ALDH1A2: variants seen among roughly 807,000 people sequenced by gnomAD.
The protein encoded by ALDH1A2 is retinal dehydrogenase 2.
ALDH1A2 carries 27 observed loss-of-function variants against 60.3 expected under a neutral mutation model. The observed-to-expected ratio is 0.45, with a 90% CI of 0.33 to 0.62. ALDH1A2 has a LOEUF of 0.62. ALDH1A2 is among the 20% of genes least tolerant of loss of function. The pLI, the probability that ALDH1A2 is intolerant of heterozygous loss-of-function variation, is 0.02. For synonymous variants in ALDH1A2, 289 were observed against 232.4 expected, an observed-to-expected ratio of 1.24 and a Z score of -2.21; for missense variants, 581 against 643.8, an observed-to-expected ratio of 0.90 and a Z score of 1.06.
chr15:57,983,911 C>T (rs1894605373), intron 7 of ALDH1A2, among the ~76,000 whole-genome samples: 1 of 152,164 alleles, frequency 6.6e-6, no homozygotes, highest in Admixed American at 6.5e-5. Flanking sequence ...AATGGAAACC[C>T]TGTATTGTAA....
Position 57,962,145 on chromosome 15 carries a change from T to A in ALDH1A2, c.1118A>T (p.Glu373Val). 1.2e-6 allele frequency: 2 copies of A among 1,614,164 alleles called. No individual in the cohort carries two copies. The highest frequency in any genetic ancestry group is 1.7e-6 in the Non-Finnish European group (2 of 1,180,010). The change falls in exon 10 of 13, where the codon GAA becomes GTA. Residue 373 changes from glutamate to valine, a missense_variant. This residue lies in a region of ALDH1A2 where 375 missense variants were observed against 469.7 expected (regional missense o/e 0.80). Coordinates refer to ENST00000249750, the MANE Select transcript of ALDH1A2 (RefSeq NM_003888.4). Reference sequence around the variant, plus strand: ...CTCAGCCACACCACTCTGGATGAGTTCCAAGATCTTGTTGTACTGTTTCTT... The same window carrying A: ...CTCAGCCACACCACTCTGGATGAGTACCAAGATCTTGTTGTACTGTTTCTT... ...IDKKQYNKIL[E>V]LIQSGVAEGA...
At chr15:58,016,158 T>A (rs1461089209) in intron 1 of ALDH1A2, among the ~76,000 whole-genome samples, 1 of 148,642 alleles carries the variant, frequency 6.7e-6, no homozygotes, top group Non-Finnish European at 1.5e-5. Context: ...TTTTTTTTTT[T>A]AAGACAGAGC....
intron 7 of ALDH1A2, among the ~76,000 whole-genome samples, chr15:57,979,165 G>T (rs1162084453): frequency 6.6e-6 from 1 of 152,078 alleles, no homozygotes; most frequent in African/African-American, 2.4e-5. Flanking sequence ...TTGGCCTGAG[G>T]GTCCTAGGGA....
intron 12 of ALDH1A2, among the ~76,000 whole-genome samples, chr15:57,957,171 C>A (rs143406611): frequency 5.5e-4 from 83 of 152,282 alleles, no homozygotes; most frequent in African/African-American, 2.0e-3. Context: ...GGGTCAGAGA[C>A]AGGAGTGCCC....
intron 8 of ALDH1A2, 157 bp from the exon 9 acceptor site, chr15:57,964,226 T>C: frequency 2.9e-6 from 2 of 696,696 alleles, no homozygotes; most frequent in African/African-American, 1.8e-5. Flanking sequence ...TAGTTCTAAC[T>C]ACACCCTGAC....
At position 58,043,407 on chromosome 15, in the gene ALDH1A2, C is replaced by G. The variant is rs552364476; in HGVS notation, c.117+22127G>C. Among the ~76,000 whole-genome samples the G allele has an allele frequency of 5.3e-5, 8 of 152,062 alleles. No individual in the cohort carries two copies. The South Asian group carries it at 1.7e-3, about 32-fold the overall frequency. ...GTGGATATAGAACACATGTGGCCAC[C>G]AGTGGGCGCTCAATAAGAAAGTGTA... On this transcript the variant is annotated intron_variant, in intron 1 of 12. Transcript: ENST00000249750.
At chr15:58,015,504 T>C (rs35167815) in intron 1 of ALDH1A2, among the ~76,000 whole-genome samples, 10 of 152,352 alleles carry the variant, frequency 6.6e-5, no homozygotes, top group African/African-American at 2.4e-4. Flanking sequence ...GACCTTGTAA[T>C]TGTACATTTT....
intron 1 of ALDH1A2, among the ~76,000 whole-genome samples, chr15:58,061,609 A>C (rs1489525516): frequency 7.7e-6 from 1 of 130,050 alleles, no homozygotes; most frequent in East Asian, 2.2e-4. Context: ...AAAAAAAAAA[A>C]CAAAAAAAAA....
chr15:57,990,775 C>G (rs1894869018), intron 7 of ALDH1A2: 1 of 150,266 alleles, frequency 6.7e-6, no homozygotes, highest in South Asian at 2.1e-4. Flanking sequence ...ACTTGGGAGG[C>G]TGAGGCAGGA....
intron 1 of ALDH1A2, among the ~76,000 whole-genome samples, chr15:58,029,206 C>G (rs1896162426): frequency 6.6e-6 from 1 of 152,174 alleles, no homozygotes; most frequent in African/African-American, 2.4e-5. Flanking sequence ...TCTCAGACCA[C>G]AGTGCAATCA....
chr15:57,974,570 C>T (rs1383703577), intron 7 of ALDH1A2, among the ~76,000 whole-genome samples: 5 of 151,016 alleles, frequency 3.3e-5, no homozygotes, highest in African/African-American at 9.7e-5. Flanking sequence ...GAACTATTGT[C>T]ATTATCCATC....
chr15:58,046,386 G>C (rs753885856), intron 1 of ALDH1A2, among the ~76,000 whole-genome samples: 77 of 152,026 alleles, frequency 5.1e-4, no homozygotes, highest in Non-Finnish European at 9.3e-4. Context: ...ATTCATGCTT[G>C]ATGGTTGAAT....
At chr15:58,035,079 T>G (rs1392375379) in intron 1 of ALDH1A2, among the ~76,000 whole-genome samples, 5 of 151,656 alleles carry the variant, frequency 3.3e-5, no homozygotes. Flanking sequence ...TGAAACCATC[T>G]GGACTTAGTG....
Position 58,065,703 on chromosome 15 carries a change from GCGCGGTC to G in ALDH1A2, c.-60_-54del. The stretch of plus-strand genomic sequence containing the variant: ...CGGCGTGGGGCAGTGCGGGCTGTGC[GCGCGGTC>G]CGCGGCCCGGGGGCGCGCTCGCCTG... On this transcript the variant is annotated 5_prime_UTR_variant, in exon 1 of 13. Transcript: ENST00000249750. The G allele has an allele frequency of 3.9e-6, 5 of 1,284,154 alleles. No homozygotes were observed. Among genetic ancestry groups the G allele is most frequent in the South Asian group, 1.5e-5 (1 of 66,814 alleles). 79.5% of individuals were successfully genotyped at this position (1,284,154 alleles called of 1,614,324 possible). A position where few individuals can be genotyped will look rare whatever the true frequency, so the allele number is the denominator to read the frequency against.
chr15:58,029,737 C>T (rs569583357), intron 1 of ALDH1A2, among the ~76,000 whole-genome samples: 3 of 152,086 alleles, frequency 2.0e-5, no homozygotes, highest in South Asian at 4.2e-4. Flanking sequence ...ATACAAACTA[C>T]CATCAGAGAA....
chr15:57,986,105 T>C (rs1198391730), intron 7 of ALDH1A2, among the ~76,000 whole-genome samples: 2 of 152,230 alleles, frequency 1.3e-5, no homozygotes, highest in Admixed American at 6.5e-5. Flanking sequence ...CTGCTTCTAA[T>C]TGTAATGGAG....
At chr15:57,998,269 T>C (rs1895134736) in intron 4 of ALDH1A2, among the ~76,000 whole-genome samples, 1 of 152,086 alleles carries the variant, frequency 6.6e-6, no homozygotes, top group South Asian at 2.1e-4. Flanking sequence ...CTGTCTCTTT[T>C]TGCAGATGAC....
intron 10 of ALDH1A2, among the ~76,000 whole-genome samples, chr15:57,961,620 T>G (rs1005907050): frequency 6.6e-6 from 1 of 152,222 alleles, no homozygotes; most frequent in East Asian, 1.9e-4. Context: ...TGCTCTGGAC[T>G]GTGGGCTGAT....
intron 7 of ALDH1A2, chr15:57,980,392 C>T: frequency 2.7e-6 from 1 of 368,206 alleles, no homozygotes. Flanking sequence ...AGAGGTTTTC[C>T]AGCTGGTGCC....
Sources: gnomAD v4.1 joint callset for allele counts (sites outside exome capture counted in the v4.1 genomes callset) on GRCh38, gnomAD v4.1.1 for gene constraint, gnomAD v4.1.1 regional missense constraint, MANE v1.5 for transcripts, NCBI Gene and HGNC (gene_info 2026-07-23, HGNC 2026-07-21) for gene names.